TMPRSS4: variants seen among roughly 807,000 people sequenced by gnomAD.
The protein encoded by TMPRSS4 is transmembrane protease serine 4.
A neutral mutation model predicts 56.4 loss-of-function variants in TMPRSS4; 45 were observed. That is an observed-to-expected ratio of 0.80 (90% CI 0.63 to 1.02). TMPRSS4 has a LOEUF of 1.02. TMPRSS4 is among the 50% of genes least tolerant of loss of function. The pLI is 0.00. For missense variants in TMPRSS4, 546 were observed against 556.7 expected (o/e 0.98, Z 0.19); for synonymous variants, 205 against 211.0 (o/e 0.97, Z 0.25).
chr11:118,085,877 A>T (rs1377896572), intron 1 of TMPRSS4, among the ~76,000 whole-genome samples: 2 of 152,114 alleles, frequency 1.3e-5, no homozygotes, highest in Non-Finnish European at 2.9e-5. Context: ...TGGACCCACC[A>T]CTCTGGAACA....
At chr11:118,110,943 T>C (rs1021608842) in intron 7 of TMPRSS4, among the ~76,000 whole-genome samples, 2 of 152,212 alleles carry the variant, frequency 1.3e-5, no homozygotes, top group African/African-American at 4.8e-5. Flanking sequence ...AGAGACTTTA[T>C]ATGAAACAGC....
rs45615131 is a variant in TMPRSS4 at position 118,119,236 on chromosome 11, A to T, written c.*1323A>T. 321,625 of 984,982 alleles carry T rather than the reference A, an allele frequency of 0.33. 55,863 individuals carry two copies. The highest frequency in any genetic ancestry group is 0.35 in the Non-Finnish European group (294,142 of 829,630). The allele number at this position is 984,982 out of a possible 1,614,324, so 61.0% of individuals were successfully genotyped here. Reference sequence around the variant, plus strand: ...CAATACACTAAAATCTTGGGTCGAGACCTATATGAAGGCTGGCAGTGGAGC... The same window carrying T: ...CAATACACTAAAATCTTGGGTCGAGTCCTATATGAAGGCTGGCAGTGGAGC... On this transcript the variant is annotated 3_prime_UTR_variant, in exon 13 of 13. Transcript: ENST00000437212.
At chr11:118,101,397 T>C (rs1423133463) in intron 3 of TMPRSS4, among the ~76,000 whole-genome samples, 2 of 152,170 alleles carry the variant, frequency 1.3e-5, no homozygotes, top group South Asian at 2.1e-4. Context: ...CAAGACAGAA[T>C]TCAGTTAGGA....
chr11:118,125,470 G>A (rs899663089), downstream of TMPRSS4: 2 of 395,284 alleles, frequency 5.1e-6, no homozygotes, highest in African/African-American at 4.1e-5. Flanking sequence ...CCATTTCCCT[G>A]GGATTGAACC....
At chr11:118,095,040 A>T in intron 2 of TMPRSS4, 185 bp downstream of exon 2, 1 of 652,678 alleles carries the variant, frequency 1.5e-6, no homozygotes. Context: ...CAGAAGTAGG[A>T]GGCCTGGACT....
At position 118,117,288 on chromosome 11, in the gene TMPRSS4, G is replaced by C. The variant is rs780522171; in HGVS notation, c.1153-17G>C. 3 of 1,613,862 alleles carry C rather than the reference G, an allele frequency of 1.9e-6. No homozygotes were observed. The South Asian group carries it at 3.3e-5, about 18-fold the overall frequency. On this transcript the variant is annotated splice_polypyrimidine_tract_variant and intron_variant, in intron 11 of 12. Transcript: ENST00000437212. Reference sequence around the variant, plus strand: ...TCACCTGCCCTCCCCAGCAGTCTCTGTTCTGGTCTCTCACAGGGTGACAGT... The same window carrying C: ...TCACCTGCCCTCCCCAGCAGTCTCTCTTCTGGTCTCTCACAGGGTGACAGT...
At chr11:118,103,068 C>T in intron 3 of TMPRSS4, 33 bp from the exon 4 acceptor site, 4 of 1,611,606 alleles carry the variant, frequency 2.5e-6, no homozygotes, top group Middle Eastern at 1.7e-4. Context: ...TGACCCTCAG[C>T]CCTCTCTGCC....
At chr11:118,090,045 A>G (rs1473324802) in intron 1 of TMPRSS4, among the ~76,000 whole-genome samples, 2 of 152,010 alleles carry the variant, frequency 1.3e-5, no homozygotes, top group Non-Finnish European at 2.9e-5. Context: ...GGGTTTCACC[A>G]TGTTGGCCAG....
intron 7 of TMPRSS4, among the ~76,000 whole-genome samples, chr11:118,109,675 A>C (rs1565436122): frequency 6.6e-6 from 1 of 152,236 alleles, no homozygotes; most frequent in Non-Finnish European, 1.5e-5. Flanking sequence ...GGCTCAGCTC[A>C]TCCTACAAGC....
In TMPRSS4 at chr11:118,118,395, C is replaced by T. The variant is rs45469797; in HGVS notation, c.*482C>T. ...CTGTTGGTATGACTACCGTTACCTA[C>T]TGTTGTCATTGTTATTACAGCTATG... On this transcript the variant is annotated 3_prime_UTR_variant, in exon 13 of 13. Transcript: ENST00000437212. 7,601 of 997,180 alleles carry T rather than the reference C, an allele frequency of 7.6e-3. 37 individuals carry two copies. Among genetic ancestry groups the T allele is most frequent in the Middle Eastern group, 0.013 (25 of 1,952 alleles). 61.8% of individuals were successfully genotyped at this position (997,180 alleles called of 1,614,324 possible).
chr11:118,113,029 C>T (rs1048363981), intron 8 of TMPRSS4, among the ~76,000 whole-genome samples: 2 of 152,050 alleles, frequency 1.3e-5, no homozygotes, highest in Non-Finnish European at 2.9e-5. Context: ...TTCCCCAGCC[C>T]TCCTTGAGGT....
intron 11 of TMPRSS4, among the ~76,000 whole-genome samples, chr11:118,116,389 C>T (rs1248751489): frequency 6.6e-6 from 1 of 152,208 alleles, no homozygotes; most frequent in African/African-American, 2.4e-5. Context: ...CCTCAGGGAG[C>T]TCACAGTGGT....
In TMPRSS4 at chr11:118,117,361, C is replaced by T. The variant is rs756856763; in HGVS notation, c.1209C>T (p.Ile403=). ...CTGACCAGTGGCATGTGGTGGGCAT[C>T]GTTAGTTGGGGCTATGGCTGCGGGG... ...YQSDQWHVVG[I]VSWGYGCGGP... is the part of the protein sequence containing the mutation. Residue 403 remains isoleucine (I), a synonymous_variant, in exon 12 of 13, where the codon ATC becomes ATT. Transcript: ENST00000437212. 2.0e-5 allele frequency: 32 copies of T among 1,613,980 alleles called. No homozygotes were observed. Among genetic ancestry groups the T allele is most frequent in the Non-Finnish European group, 2.5e-5 (29 of 1,180,010 alleles).
intron 1 of TMPRSS4, among the ~76,000 whole-genome samples, chr11:118,083,170 C>T (rs1015171829): frequency 6.6e-5 from 10 of 152,250 alleles, no homozygotes; most frequent in African/African-American, 2.4e-4. Context: ...GCTCACACAT[C>T]TGTTTCTAGA....
rs192549213 is a variant in TMPRSS4, at chr11:118,104,609, G to A, written c.311-82G>A. The A allele has an allele frequency of 4.4e-6, 7 of 1,603,450 alleles. No individual in the cohort carries two copies. The African/African-American group carries it at 8.0e-5, about 18-fold the overall frequency. ...CCCCAGTTCTAGGTTGGGGGAGCTT[G>A]GGCTGGTCTCATGATGAGTTCTGAG... On this transcript the variant is annotated intron_variant, in intron 4 of 12. Coordinates refer to ENST00000437212, the MANE Select transcript of TMPRSS4 (RefSeq NM_019894.4).
chr11:118,103,360 CTTG>C (rs1667923535), intron 4 of TMPRSS4, 107 bp downstream of exon 4: 1 of 1,017,294 alleles, frequency 9.8e-7, no homozygotes, highest in Non-Finnish European at 1.4e-6. Context: ...ACTTTTCATC[CTTG>C]TTGTATAAGG....
In TMPRSS4 at chr11:118,120,831, T is replaced by C. The variant is rs1165152482; in HGVS notation, c.*2918T>C. 8 of 152,168 alleles carry C rather than the reference T, an allele frequency of 5.3e-5. No homozygotes were observed. Among genetic ancestry groups the C allele is most frequent in the Non-Finnish European group, 1.0e-4 (7 of 68,040 alleles). 9.4% of individuals were successfully genotyped at this position (152,168 alleles called of 1,614,324 possible). Reference sequence around the variant, plus strand: ...GTACCAAAGAGATAAGAGCTGAGAATGTTCCAGAATTGATAAAAGGTGTGA... The same window carrying C: ...GTACCAAAGAGATAAGAGCTGAGAACGTTCCAGAATTGATAAAAGGTGTGA... On this transcript the variant is annotated 3_prime_UTR_variant, in exon 13 of 13. Transcript: ENST00000437212.
chr11:118,123,628 T>C (rs143463666), downstream of TMPRSS4, among the ~76,000 whole-genome samples: 626 of 152,302 alleles, frequency 4.1e-3, no homozygotes, highest in Middle Eastern at 0.014. Flanking sequence ...GTTCATGCCA[T>C]TCTCTTGCCT....
At chr11:118,095,118 A>C in intron 2 of TMPRSS4, 1 of 506,906 alleles carries the variant, frequency 2.0e-6, no homozygotes, top group Non-Finnish European at 3.6e-6. Flanking sequence ...TCATTCAGTC[A>C]CTCTTATCCT....
Sources: allele counts gnomAD v4.1 joint callset (sites outside exome capture counted in the v4.1 genomes callset), GRCh38; gene constraint gnomAD v4.1.1; transcripts MANE v1.5; gene names NCBI Gene and HGNC (gene_info 2026-07-23, HGNC 2026-07-21).